Variants in SHANK2 observed in about 807,000 individuals in gnomAD.
SHANK2 encodes the protein SH3 and multiple ankyrin repeat domains 2.
Under a neutral mutation model 133.7 loss-of-function variants are expected in SHANK2, and 43 were observed. The observed-to-expected ratio is 0.32, with a 90% CI of 0.25 to 0.41. The LOEUF is 0.41. Among genes scored for constraint, SHANK2 ranks in the 10% least tolerant of loss-of-function variants. The pLI, the probability that SHANK2 is intolerant of heterozygous loss-of-function variation, is 1.00. For synonymous variants in SHANK2, 1,017 were observed against 952.8 expected (o/e 1.07, Z -1.24); for missense variants, 1,994 against 2,235.8 (o/e 0.89, Z 2.18).
chr11:70,608,820 G>A (rs61885158), intron 17 of SHANK2, among the ~76,000 whole-genome samples: 17,921 of 152,248 alleles, frequency 0.12, 1,409 homozygotes, highest in Non-Finnish European at 0.17. Flanking sequence ...AGCTAAACGC[G>A]GTCTATTACG....
chr11:70,720,775 G>A (rs1005561219), intron 14 of SHANK2, among the ~76,000 whole-genome samples: 1 of 152,162 alleles, frequency 6.6e-6, no homozygotes, highest in Non-Finnish European at 1.5e-5. Context: ...GTAGCACACC[G>A]GCATGCACAA....
intron 6 of SHANK2, among the ~76,000 whole-genome samples, chr11:71,106,182 G>A (rs1294601634): frequency 6.6e-6 from 1 of 152,236 alleles, no homozygotes; most frequent in African/African-American, 2.4e-5. Context: ...GGGAGGCAGG[G>A]GAAGAGGAAG....
chr11:70,878,821 T>C (rs1220347074), intron 11 of SHANK2, among the ~76,000 whole-genome samples: 1 of 152,016 alleles, frequency 6.6e-6, no homozygotes, highest in Admixed American at 6.6e-5. Context: ...TGTTCCAGGG[T>C]CATGAATGAA....
intron 17 of SHANK2, among the ~76,000 whole-genome samples, chr11:70,534,924 A>G (rs1185057040): frequency 6.6e-6 from 1 of 151,882 alleles, no homozygotes; most frequent in Non-Finnish European, 1.5e-5. Context: ...AGGATAGTCA[A>G]GTTCGTTAGC....
intron 17 of SHANK2, among the ~76,000 whole-genome samples, chr11:70,622,773 A>G (rs1342820356): frequency 1.3e-5 from 2 of 152,120 alleles, no homozygotes; most frequent in Non-Finnish European, 2.9e-5. Flanking sequence ...CCAACCCCCT[A>G]CTGTCTCCAA....
chr11:71,243,870 T>C (rs1954925169), intron 1 of SHANK2, among the ~76,000 whole-genome samples: 1 of 152,100 alleles, frequency 6.6e-6, no homozygotes, highest in African/African-American at 2.4e-5. Flanking sequence ...ATCCAATCAA[T>C]AATTTTAAAA....
rs115020048 is a variant in SHANK2 at position 70,473,523 on chromosome 11, G to T, written c.4980-84C>A. 2.2e-6 allele frequency: 3 copies of T among 1,370,486 alleles called. No individual in the cohort carries two copies. The Admixed American group carries it at 5.3e-5, about 24-fold the overall frequency. 84.9% of individuals were successfully genotyped at this position (1,370,486 alleles called of 1,614,324 possible). A position where few individuals can be genotyped will look rare whatever the true frequency, so the allele number is the denominator to read the frequency against. ...GCTGCAGATCACCCAGGAAGGCGAGGGAGACGCCCAAACCATGCCAGAGTG... is the reference window on the plus strand; with the variant it reads ...GCTGCAGATCACCCAGGAAGGCGAGTGAGACGCCCAAACCATGCCAGAGTG... On this transcript the variant is annotated intron_variant, in intron 25 of 25. Coordinates refer to ENST00000601538, the MANE Select transcript of SHANK2 (RefSeq NM_012309.5). This position sits in a 1 kb window ranked among gnomAD's most constrained non-coding sequence, Gnocchi z 5.9.
intron 2 of SHANK2, among the ~76,000 whole-genome samples, chr11:71,218,390 A>G (rs1268701164): frequency 6.6e-6 from 1 of 150,918 alleles, no homozygotes; most frequent in Non-Finnish European, 1.5e-5. Context: ...TCAGCCTCCA[A>G]GTAGCTGGGA....
At chr11:70,788,346 C>T (rs1260805057) in intron 14 of SHANK2, among the ~76,000 whole-genome samples, 1 of 152,210 alleles carries the variant, frequency 6.6e-6, no homozygotes, top group East Asian at 1.9e-4. Flanking sequence ...TAATCACCCA[C>T]GGTCAACTGA....
chr11:70,524,345 G>T (rs541500437), intron 17 of SHANK2, among the ~76,000 whole-genome samples: 1 of 152,238 alleles, frequency 6.6e-6, no homozygotes. Flanking sequence ...GTCCCAGGGA[G>T]CCTGGAGAAA....
chr11:70,602,831 A>T (rs772488046), intron 17 of SHANK2, among the ~76,000 whole-genome samples: 13 of 152,208 alleles, frequency 8.5e-5, no homozygotes, highest in Non-Finnish European at 1.9e-4. Context: ...TACATGCATG[A>T]TGTATGTTTA....
intron 17 of SHANK2, among the ~76,000 whole-genome samples, chr11:70,537,221 G>C (rs1554974313): frequency 1.3e-5 from 2 of 152,208 alleles, no homozygotes; most frequent in African/African-American, 2.4e-5. Flanking sequence ...GCGGAGGAGG[G>C]AAACCTCCCC....
At chr11:70,818,292 T>C (rs1011129888) in intron 12 of SHANK2, among the ~76,000 whole-genome samples, 1 of 151,980 alleles carries the variant, frequency 6.6e-6, no homozygotes, top group Non-Finnish European at 1.5e-5. Flanking sequence ...TGCATGCACA[T>C]ACATACACAG....
intron 24 of SHANK2, chr11:70,489,105 A>T: frequency 1.8e-6 from 1 of 560,714 alleles, no homozygotes; most frequent in Non-Finnish European, 3.2e-6. Context: ...ATTCCAATGA[A>T]AACTTCCATT....
At chr11:71,247,047 G>A (rs1236131810) in intron 1 of SHANK2, among the ~76,000 whole-genome samples, 3 of 152,178 alleles carry the variant, frequency 2.0e-5, no homozygotes, top group Admixed American at 2.0e-4. Context: ...TTTTCGTGCA[G>A]AGAAGTATGC....
intron 2 of SHANK2, among the ~76,000 whole-genome samples, chr11:71,176,772 A>G (rs7116150): frequency 6.6e-6 from 1 of 151,808 alleles, no homozygotes; most frequent in Admixed American, 6.5e-5. Flanking sequence ...AGTTTCTAAA[A>G]AAAAAGAGGG....
chr11:70,499,254 C>A lies in SHANK2; in HGVS notation c.2308+1316G>T, dbSNP rs141074811. 2.4e-3 allele frequency among the ~76,000 whole-genome samples: 364 copies of A among 152,386 alleles called. 4 individuals are homozygous for A. The highest frequency in any genetic ancestry group is 8.4e-3 in the African/African-American group (349 of 41,600). On this transcript the variant is annotated intron_variant, in intron 21 of 25. Transcript: ENST00000601538. ...CCCCCAGTGTGACCAGGCTGGGCCA[C>A]GGCTGCTGGTCCCTTTGGGGTCTTC... is the stretch of plus-strand genomic sequence containing the variant.
chr11:70,947,759 C>A (rs1950769008), intron 10 of SHANK2, among the ~76,000 whole-genome samples: 2 of 152,156 alleles, frequency 1.3e-5, no homozygotes, highest in South Asian at 4.2e-4. Flanking sequence ...GAATATTCTG[C>A]CAAATCCAGA....
chr11:70,564,477 C>T (rs1554981486), intron 17 of SHANK2, among the ~76,000 whole-genome samples: 1 of 152,102 alleles, frequency 6.6e-6, no homozygotes, highest in South Asian at 2.1e-4. Flanking sequence ...CCAGGCTGGT[C>T]TCGAACTCCT....
Sources: gnomAD v4.1 joint callset for allele counts (sites outside exome capture counted in the v4.1 genomes callset) on GRCh38, gnomAD v4.1.1 for gene constraint, Gnocchi (gnomAD v3.1) non-coding constraint, MANE v1.5 for transcripts, NCBI Gene and HGNC (gene_info 2026-07-23, HGNC 2026-07-21) for gene names.